Variants in LMO7 observed in about 807,000 individuals in gnomAD.
The protein encoded by LMO7 is LIM domain 7.
In LMO7, 120 loss-of-function variants were observed where a neutral mutation model predicts 206.5. The observed-to-expected ratio is 0.58, with a 90% CI of 0.50 to 0.68. LMO7 has a LOEUF of 0.68. Among genes scored for constraint, LMO7 ranks in the 30% least tolerant of loss-of-function variants. The pLI, the probability that LMO7 is intolerant of heterozygous loss-of-function variation, is 0.00. For synonymous variants in LMO7, 706 were observed against 681.5 expected (o/e 1.04, Z -0.56); for missense variants, 1,959 against 1,957.9 (o/e 1.00, Z -0.01).
At chr13:75,650,429 G>T (rs976033024) in intron 1 of LMO7, among the ~76,000 whole-genome samples, 2 of 150,744 alleles carry the variant, frequency 1.3e-5, no homozygotes, top group Non-Finnish European at 3.0e-5. Context: ...TACCTGGCCC[G>T]TTTTTTTTTC....
rs148617623 is a variant in LMO7 at position 75,659,567 on chromosome 13, C to T, written c.69+22841C>T. On this transcript the variant is annotated intron_variant, in intron 1 of 30. Transcript: ENST00000377534. ...AAGTGGAAACCCCTGATAAATCCAT[C>T]ATATCTCGTGAGACTTATTCACTAT... Among the ~76,000 whole-genome samples the T allele has an allele frequency of 1.8e-4, 26 of 146,364 alleles. No individual in the cohort carries two copies. In the East Asian group the frequency reaches 5.2e-3, roughly 29 times the overall value.
At position 75,786,047 on chromosome 13, in the gene LMO7, T is replaced by G. The variant is rs138598369; in HGVS notation, c.318-9354T>G. Among the ~76,000 whole-genome samples the G allele has an allele frequency of 2.3e-3, 350 of 152,288 alleles. 1 individual carries two copies. The highest frequency in any genetic ancestry group is 4.0e-3 in the Non-Finnish European group (274 of 68,024). On this transcript the variant is annotated intron_variant, in intron 4 of 30. Transcript: ENST00000377534. ...TTAGTAATTGTGTGTGTGGCGTGAATGTGTGTGAGATGTAGAGATGGGTAA... is the reference window on the plus strand; with the variant it reads ...TTAGTAATTGTGTGTGTGGCGTGAAGGTGTGTGAGATGTAGAGATGGGTAA...
intron 1 of LMO7, among the ~76,000 whole-genome samples, chr13:75,622,966 T>C (rs1232483511): frequency 6.6e-6 from 1 of 152,220 alleles, no homozygotes; most frequent in African/African-American, 2.4e-5. Context: ...AATGAAAGAC[T>C]AATTTGATAT....
rs752536746 is a variant in LMO7, at chr13:75,823,546, A to G, written c.2641-19A>G. Reference sequence around the variant, plus strand: ...AAGGTAACAGAATATCAAGTTTAAAATGATGTTTTCTTATTTAGATGGATG... The same window carrying G: ...AAGGTAACAGAATATCAAGTTTAAAGTGATGTTTTCTTATTTAGATGGATG... On this transcript the variant is annotated intron_variant, in intron 14 of 30. Transcript: ENST00000377534. 3 of 1,554,272 alleles carry G rather than the reference A, an allele frequency of 1.9e-6. No individual in the cohort carries two copies. Among genetic ancestry groups the G allele is most frequent in the Non-Finnish European group, 2.6e-6 (3 of 1,134,672 alleles).
At chr13:75,790,818 A>G (rs890375672) in intron 4 of LMO7, among the ~76,000 whole-genome samples, 1 of 152,118 alleles carries the variant, frequency 6.6e-6, no homozygotes, top group African/African-American at 2.4e-5. Flanking sequence ...GAATTATCAG[A>G]GCTATTCCAT....
chr13:75,642,897 G>A (rs2036678991), intron 1 of LMO7, among the ~76,000 whole-genome samples: 1 of 152,190 alleles, frequency 6.6e-6, no homozygotes. Context: ...GACCCATTGG[G>A]TTTCCTCCAG....
intron 3 of LMO7, among the ~76,000 whole-genome samples, chr13:75,740,734 A>G (rs1242978516): frequency 6.6e-6 from 1 of 152,126 alleles, no homozygotes; most frequent in Non-Finnish European, 1.5e-5. Context: ...CAGCATTGGT[A>G]CTGGGCTGAT....
intron 9 of LMO7, chr13:75,806,165 G>T: frequency 2.0e-6 from 2 of 997,640 alleles, no homozygotes; most frequent in Non-Finnish European, 2.4e-6. Context: ...AACTGCCAAA[G>T]ACCTTCACTC....
intron 2 of LMO7, among the ~76,000 whole-genome samples, chr13:75,721,684 T>G (rs2044030244): frequency 6.6e-6 from 1 of 152,232 alleles, no homozygotes; most frequent in Admixed American, 6.5e-5. Context: ...GGTATATGCA[T>G]ATATACACCA....
chr13:75,697,147 G>C (rs2041964950), intron 1 of LMO7, among the ~76,000 whole-genome samples: 1 of 152,134 alleles, frequency 6.6e-6, no homozygotes, highest in African/African-American at 2.4e-5. Flanking sequence ...GAAGCAGAGA[G>C]AGCTAGCCAC....
intron 26 of LMO7, among the ~76,000 whole-genome samples, chr13:75,847,210 G>A (rs1003223594): frequency 6.6e-6 from 1 of 152,170 alleles, no homozygotes; most frequent in Non-Finnish European, 1.5e-5. Flanking sequence ...AGCAATAAAT[G>A]TAGAGAAAGA....
At chr13:75,735,913 A>G (rs1383524735) in intron 3 of LMO7, among the ~76,000 whole-genome samples, 1 of 152,128 alleles carries the variant, frequency 6.6e-6, no homozygotes, top group Non-Finnish European at 1.5e-5. Flanking sequence ...TGAATTAAAT[A>G]GCTTATTGCT....
intron 4 of LMO7, among the ~76,000 whole-genome samples, chr13:75,774,740 T>C (rs1200853141): frequency 6.6e-6 from 1 of 152,184 alleles, no homozygotes; most frequent in Non-Finnish European, 1.5e-5. Context: ...TAAAACTTCC[T>C]TATATATTGT....
At chr13:75,725,739 A>C (rs986715589) in intron 2 of LMO7, among the ~76,000 whole-genome samples, 2 of 152,062 alleles carry the variant, frequency 1.3e-5, no homozygotes, top group African/African-American at 4.8e-5. Flanking sequence ...CGTTGAGAGA[A>C]TGGTATTATT....
intron 1 of LMO7, among the ~76,000 whole-genome samples, chr13:75,683,972 A>C (rs868787397): frequency 2.0e-5 from 3 of 152,160 alleles, no homozygotes; most frequent in African/African-American, 7.2e-5. Context: ...TAAATTGTGA[A>C]TATGTCTTAT....
chr13:75,857,758 G>A (rs370692133), intron 30 of LMO7, 163 bp from the exon 31 acceptor site: 31 of 420,626 alleles, frequency 7.4e-5, no homozygotes, highest in Admixed American at 6.4e-4. Flanking sequence ...TTCCAGAGAC[G>A]AGACACTGAG....
intron 10 of LMO7, 35 bp downstream of exon 10, chr13:75,808,234 A>G (rs1225272472): frequency 3.8e-6 from 6 of 1,564,904 alleles, no homozygotes; most frequent in South Asian, 1.2e-5. Flanking sequence ...TTTGCTTGTA[A>G]TGGATGGTCT....
At position 75,845,395 on chromosome 13, in the gene LMO7, TC is replaced by T; in HGVS notation, c.4150+21del. On this transcript the variant is annotated intron_variant, in intron 26 of 30. Coordinates refer to ENST00000377534, the MANE Select transcript of LMO7 (RefSeq NM_001306080.2). ...AATAAAAATGGTAAATGCGATATTT[TC>T]CCCCAAACTCCTTCAGAGTTGCTTA... is the stretch of plus-strand genomic sequence containing the variant. 2 of 1,508,106 alleles carry T rather than the reference TC, an allele frequency of 1.3e-6. No individual in the cohort carries two copies. Among genetic ancestry groups the T allele is most frequent in the South Asian group, 1.2e-5 (1 of 86,738 alleles). The allele number at this position is 1,508,106 out of a possible 1,614,324, so 93.4% of individuals were successfully genotyped here.
At chr13:75,747,214 C>T (rs1476920388) in intron 3 of LMO7, among the ~76,000 whole-genome samples, 1 of 152,130 alleles carries the variant, frequency 6.6e-6, no homozygotes, top group Non-Finnish European at 1.5e-5. Context: ...CTTAATCATG[C>T]ATTTTAAACC....
Sources: allele counts gnomAD v4.1 joint callset (sites outside exome capture counted in the v4.1 genomes callset), GRCh38; gene constraint gnomAD v4.1.1; transcripts MANE v1.5; gene names NCBI Gene and HGNC (gene_info 2026-07-23, HGNC 2026-07-21).